Variants in ARL6 observed in about 807,000 individuals in gnomAD.
ARL6 encodes the protein ADP-ribosylation factor-like protein 6.
Under a neutral mutation model 27.1 loss-of-function variants are expected in ARL6, and 18 were observed. The observed-to-expected ratio is 0.66, with a 90% CI of 0.46 to 0.98. The LOEUF (loss-of-function observed/expected upper bound fraction) is 0.98. Among genes scored for constraint, ARL6 ranks in the 50% least tolerant of loss-of-function variants. The pLI, the probability that ARL6 is intolerant of heterozygous loss-of-function variation, is 0.00. For synonymous variants in ARL6, 65 were observed against 72.3 expected (o/e 0.90, Z 0.51); for missense variants, 187 against 214.9 (o/e 0.87, Z 0.81).
intron 7 of ARL6, among the ~76,000 whole-genome samples, chr3:97,794,333 C>T (rs1163005306): frequency 6.6e-6 from 1 of 151,782 alleles, no homozygotes; most frequent in Non-Finnish European, 1.5e-5. Flanking sequence ...CTGCCTCAGC[C>T]CCCTGAGTAG....
At chr3:97,776,111 T>A (rs2036885919) in intron 2 of ARL6, among the ~76,000 whole-genome samples, 1 of 152,256 alleles carries the variant, frequency 6.6e-6, no homozygotes, top group Non-Finnish European at 1.5e-5. Flanking sequence ...ATATATACGG[T>A]GTTCCCATGT....
At chr3:97,796,444 C>A (rs1428573237) in intron 7 of ARL6, among the ~76,000 whole-genome samples, 6 of 151,598 alleles carry the variant, frequency 4.0e-5, no homozygotes, top group Non-Finnish European at 8.8e-5. Context: ...AGCAGAAAGA[C>A]AAAGAATAGA....
chr3:97,784,129 A>G (rs2037330960), intron 4 of ARL6, among the ~76,000 whole-genome samples: 1 of 151,888 alleles, frequency 6.6e-6, no homozygotes, highest in Non-Finnish European at 1.5e-5. Context: ...AAAATTGGAA[A>G]TAACCTAAAA....
chr3:97,765,045 T>TA (rs2036302027), intron 1 of ARL6, 68 bp downstream of exon 1: 1 of 152,248 alleles, frequency 6.6e-6, no homozygotes, highest in Non-Finnish European at 1.5e-5. Context: ...AGAATTCCTC[T>TA]TTGGTCTTTC....
At chr3:97,787,250 G>C (rs1220237473) in intron 5 of ARL6, among the ~76,000 whole-genome samples, 2 of 152,118 alleles carry the variant, frequency 1.3e-5, no homozygotes, top group Non-Finnish European at 2.9e-5. Context: ...TATATGTACT[G>C]ATATGGGATC....
chr3:97,787,846 C>T (rs1296508165), intron 5 of ARL6, 144 bp from the exon 6 acceptor site: 8 of 793,980 alleles, frequency 1.0e-5, no homozygotes, highest in Non-Finnish European at 1.6e-5. Context: ...AACAGTGTGA[C>T]AGTATGTGTC....
At chr3:97,774,265 C>T (rs1559674039) in intron 2 of ARL6, among the ~76,000 whole-genome samples, 1 of 152,196 alleles carries the variant, frequency 6.6e-6, no homozygotes, top group African/African-American at 2.4e-5. Flanking sequence ...GGATCACACT[C>T]TCAACCTTAC....
intron 6 of ARL6, among the ~76,000 whole-genome samples, chr3:97,790,137 AAAT>A (rs989038455): frequency 2.7e-5 from 4 of 150,862 alleles, no homozygotes; most frequent in African/African-American, 9.7e-5. Context: ...TGGGGGAGAC[AAAT>A]AATAAGCAAA....
At position 97,768,206 on chromosome 3, in the gene ARL6, C is replaced by T. The variant is rs772756275; in HGVS notation, c.99C>T (p.Ile33=). The change falls in exon 2 of 8, where the codon ATC becomes ATT. Residue 33 remains isoleucine, a synonymous_variant. Coordinates refer to ENST00000463745, the MANE Select transcript of ARL6 (RefSeq NM_001278293.3). The stretch of plus-strand genomic sequence containing the variant: ...TAGATAATAGTGGCAAAACGACGAT[C>T]ATTAACAAACTTAAACCTTCAAATG... ...LGLDNSGKTT[I]INKLKPSNAQ... 2.2e-5 allele frequency: 35 copies of T among 1,612,594 alleles called. No homozygotes were observed. Among genetic ancestry groups the T allele is most frequent in the Non-Finnish European group, 2.9e-5 (34 of 1,178,954 alleles).
intron 7 of ARL6, chr3:97,793,369 G>T (rs2037838367): frequency 6.6e-6 from 1 of 152,140 alleles, no homozygotes; most frequent in Non-Finnish European, 1.5e-5. Context: ...CCAGAAACAG[G>T]CTACAGAGGA....
intron 2 of ARL6, among the ~76,000 whole-genome samples, chr3:97,777,934 TAA>T (rs1353833781): frequency 6.6e-6 from 1 of 152,160 alleles, no homozygotes; most frequent in Non-Finnish European, 1.5e-5. Flanking sequence ...TCTCTGGAAA[TAA>T]AAAAGAGTTT....
At chr3:97,788,715 T>G (rs1010217176) in intron 6 of ARL6, among the ~76,000 whole-genome samples, 12 of 152,214 alleles carry the variant, frequency 7.9e-5, no homozygotes, top group African/African-American at 2.7e-4. Context: ...TTAGACATCC[T>G]AATAAGGTTG....
intron 7 of ARL6, among the ~76,000 whole-genome samples, chr3:97,793,082 G>A (rs1294222049): frequency 6.6e-6 from 1 of 152,084 alleles, no homozygotes; most frequent in East Asian, 1.9e-4. Context: ...GGTTCAAAGT[G>A]CGAAATGTAC....
At chr3:97,777,455 A>T (rs901564006) in intron 2 of ARL6, among the ~76,000 whole-genome samples, 5 of 152,198 alleles carry the variant, frequency 3.3e-5, no homozygotes, top group African/African-American at 1.2e-4. Context: ...TCTCTAGATT[A>T]CTAATAATAC....
At chr3:97,768,307 G>GGTT in intron 2 of ARL6, 77 bp downstream of exon 2, 1 of 1,468,914 alleles carries the variant, frequency 6.8e-7, no homozygotes, top group Non-Finnish European at 9.4e-7. Context: ...GTTATATGAC[G>GGTT]TTAAAACCGC....
At chr3:97,786,879 A>G (rs2037484376) in intron 5 of ARL6, among the ~76,000 whole-genome samples, 1 of 152,228 alleles carries the variant, frequency 6.6e-6, no homozygotes, top group South Asian at 2.1e-4. Flanking sequence ...TACCTATGAT[A>G]TGGAAAATAT....
In ARL6 at chr3:97,788,166, C is replaced by T. The variant is rs763497225; in HGVS notation, c.479+47C>T. The T allele has an allele frequency of 1.9e-6, 3 of 1,584,074 alleles. No individual in the cohort carries two copies. In the Admixed American group the frequency reaches 5.1e-5, roughly 27 times the overall value. On this transcript the variant is annotated intron_variant, in intron 6 of 7. Coordinates refer to ENST00000463745, the MANE Select transcript of ARL6 (RefSeq NM_001278293.3). ...TCACTGTAGCTTTCTGAAAAATATA[C>T]AAGCTTCAGAGTTGTTTCTTCTGAT...
chr3:97,781,237 G>A (rs1010323296), intron 4 of ARL6, among the ~76,000 whole-genome samples: 1 of 151,882 alleles, frequency 6.6e-6, no homozygotes, highest in Admixed American at 6.6e-5. Flanking sequence ...TAACAGTGTT[G>A]CCTAACAGTT....
At position 97,765,211 on chromosome 3, in the gene ARL6, G is replaced by GTGTGT. The variant is rs1553688332; in HGVS notation, c.-28+234_-28+235insTGTGT. 1.8e-4 allele frequency among the ~76,000 whole-genome samples: 19 copies of GTGTGT among 105,612 alleles called. 1 individual carries two copies. The highest frequency in any genetic ancestry group is 4.9e-3 in the Middle Eastern group (1 of 204). 69.3% of individuals were successfully genotyped at this position (105,612 alleles called of 152,430 possible). A position where few individuals can be genotyped will look rare whatever the true frequency, so the allele number is the denominator to read the frequency against. Reference sequence around the variant, plus strand: ...GCTCAACTTAGACCCGTGTATTGGGGGTGTGTGTGTGTGTGTGTGTGTGTG... The same window carrying GTGTGT: ...GCTCAACTTAGACCCGTGTATTGGGGTGTGTGTGTGTGTGTGTGTGTGTGTGTGTG... On this transcript the variant is annotated intron_variant, in intron 1 of 7. Transcript: ENST00000463745.
Sources: gnomAD v4.1 joint callset for allele counts (sites outside exome capture counted in the v4.1 genomes callset) on GRCh38, gnomAD v4.1.1 for gene constraint, MANE v1.5 for transcripts, NCBI Gene and HGNC (gene_info 2026-07-23, HGNC 2026-07-21) for gene names.